RBM41: variants seen among roughly 807,000 people sequenced by gnomAD.
RBM41 encodes RNA-binding protein 41.
Under a neutral mutation model 30.8 loss-of-function variants are expected in RBM41, and 14 were observed. That is an observed-to-expected ratio of 0.45 (90% CI 0.30 to 0.71). The LOEUF is 0.71. Among genes scored for constraint, RBM41 ranks in the 30% least tolerant of loss-of-function variants. The probability of loss-of-function intolerance (pLI) is 0.08; values close to 1 mark genes in which losing one functional copy is unlikely to be tolerated. For synonymous variants in RBM41, 120 were observed against 110.1 expected, an observed-to-expected ratio of 1.09 and a Z score of -0.56; for missense variants, 276 against 326.3, an observed-to-expected ratio of 0.85 and a Z score of 1.19.
intron 4 of RBM41, chrX:107,114,177 GTTCTTCC>G (rs1924715025): frequency 9.0e-6 from 1 of 111,181 alleles, no homozygotes; most frequent in Admixed American, 9.5e-5. Context: ...AGTTTTATTA[GTTCTTCC>G]ATTATAAACC....
chrX:107,055,514 C>A, the RBM41 span, among the ~76,000 whole-genome samples: 3 of 111,495 alleles, frequency 2.7e-5, no homozygotes, highest in Non-Finnish European at 5.6e-5. Context: ...TTAGTAAAGA[C>A]AGGGTTTCAT....
rs371858336 is a variant in RBM41 at position 107,067,504 on chromosome X, A to G, written c.*23T>C. ...GATTCCAATTCAAGAAAGACCATCCAGGACCCACAATTTATATATATTCTA... is the reference window on the plus strand; with the variant it reads ...GATTCCAATTCAAGAAAGACCATCCGGGACCCACAATTTATATATATTCTA... On this transcript the variant is annotated 3_prime_UTR_variant, in exon 8 of 8. Coordinates refer to ENST00000685964, the MANE Select transcript of RBM41 (RefSeq NM_001324242.2). The G allele has an allele frequency of 2.2e-5, 26 of 1,179,746 alleles. No homozygotes were observed. The African/African-American group carries it at 3.5e-4, about 16-fold the overall frequency.
At chrX:107,117,264 G>A (rs1924955531) in intron 1 of RBM41, among the ~76,000 whole-genome samples, 1 of 111,907 alleles carries the variant, frequency 8.9e-6, no homozygotes, top group Non-Finnish European at 1.9e-5. Context: ...ATATACTGAA[G>A]GATAATAAGA....
chrX:107,082,185 G>T (rs1159302045), intron 6 of RBM41, among the ~76,000 whole-genome samples: 2 of 111,257 alleles, frequency 1.8e-5, no homozygotes, highest in Non-Finnish European at 3.8e-5. Context: ...GGATGTTATA[G>T]TCTATTCCTA....
intron 6 of RBM41, among the ~76,000 whole-genome samples, chrX:107,080,096 A>T (rs1193693178): frequency 1.8e-5 from 2 of 111,528 alleles, no homozygotes; most frequent in Admixed American, 1.9e-4. Context: ...TTCACATGGC[A>T]CTTTTTGTTG....
chrX:107,101,585 C>T (rs1923469890), intron 5 of RBM41, among the ~76,000 whole-genome samples: 1 of 111,505 alleles, frequency 9.0e-6, no homozygotes, highest in Non-Finnish European at 1.9e-5. Context: ...TAAGAACTGC[C>T]AGCAAACACC....
chrX:107,118,260 AACAAAGTACCGCTCCCTT>A (rs1390600638), intron 1 of RBM41, among the ~76,000 whole-genome samples: 15 of 96,686 alleles, frequency 1.6e-4, no homozygotes, highest in Admixed American at 1.5e-3. Flanking sequence ...CACATTTAGA[AACAAAGTACCGCTCCCTT>A]ACTTTAAGAT....
intron 5 of RBM41, among the ~76,000 whole-genome samples, chrX:107,097,644 T>C (rs1923095794): frequency 1.8e-5 from 2 of 111,908 alleles, no homozygotes; most frequent in South Asian, 7.5e-4. Flanking sequence ...ATTAAACCTC[T>C]TTCCTTTAAA....
In RBM41 at chrX:107,116,066, G is replaced by C. The variant is rs368873928; in HGVS notation, c.126-12C>G. 418 of 1,140,733 alleles carry C rather than the reference G, an allele frequency of 3.7e-4. No homozygotes were observed. Among genetic ancestry groups the C allele is most frequent in the Admixed American group, 9.3e-4 (37 of 39,797 alleles). 94.0% of individuals were successfully genotyped at this position (1,140,733 alleles called of 1,213,427 possible). On this transcript the variant is annotated splice_polypyrimidine_tract_variant and intron_variant, in intron 2 of 7. Transcript: ENST00000685964. ...TCTTAGACATACATCTGCAAAACAT[G>C]CAGGAGGAGAGTAAGAACATCTTGA...
At chrX:107,118,646 C>G (rs1925093390) in intron 1 of RBM41, 120 bp downstream of exon 1, 2 of 954,165 alleles carry the variant, frequency 2.1e-6, no homozygotes, top group Non-Finnish European at 3.0e-6. Context: ...TGTTCCCGCT[C>G]CCACGAAACC....
chrX:107,081,242 T>C (rs1179587850), intron 6 of RBM41, among the ~76,000 whole-genome samples: 2 of 111,484 alleles, frequency 1.8e-5, no homozygotes, highest in African/African-American at 6.5e-5. Context: ...CATGTGGCTA[T>C]TCAGTTGTTC....
At chrX:107,070,402 C>T (rs1051976990) in intron 6 of RBM41, 4 of 323,486 alleles carry the variant, frequency 1.2e-5, no homozygotes, top group Non-Finnish European at 2.4e-5. Flanking sequence ...TTTTGGAAGT[C>T]TTCTCTGGGA....
At chrX:107,057,472 T>C (rs1378240721), downstream of RBM41, among the ~76,000 whole-genome samples, 1 of 112,071 alleles carries the variant, frequency 8.9e-6, no homozygotes, top group Non-Finnish European at 1.9e-5. Flanking sequence ...GTTCTTCATT[T>C]CTACTTTCAT....
At chrX:107,103,252 G>A (rs1426393584) in intron 5 of RBM41, among the ~76,000 whole-genome samples, 2 of 111,059 alleles carry the variant, frequency 1.8e-5, no homozygotes, top group African/African-American at 6.6e-5. Flanking sequence ...TTGGAAATAG[G>A]GTCTTTGCAG....
chrX:107,107,969 C>T lies in RBM41; in HGVS notation c.595+5428G>A, dbSNP rs185894273. 3.6e-5 allele frequency among the ~76,000 whole-genome samples: 4 copies of T among 111,411 alleles called. No individual in the cohort carries two copies. The East Asian group carries it at 1.1e-3, about 31-fold the overall frequency. On this transcript the variant is annotated intron_variant, in intron 5 of 7. Transcript: ENST00000685964. ...AGAGATAATATATGTTTCTTTCTCA[C>T]TGATTCAAGGTTAGAAAATGGGATA...
chrX:107,088,210 C>T (rs1317594006), intron 6 of RBM41, among the ~76,000 whole-genome samples: 7 of 111,690 alleles, frequency 6.3e-5, no homozygotes, highest in African/African-American at 9.8e-5. Flanking sequence ...TTCTTTAAAA[C>T]GCTAAGGATA....
intron 6 of RBM41, among the ~76,000 whole-genome samples, chrX:107,079,181 A>G (rs769039694): frequency 4.5e-5 from 5 of 112,000 alleles, no homozygotes; most frequent in Non-Finnish European, 9.4e-5. Flanking sequence ...TAATCCATGT[A>G]TATATAAACA....
chrX:107,118,076 T>C (rs778968176), intron 1 of RBM41, among the ~76,000 whole-genome samples: 1 of 111,691 alleles, frequency 9.0e-6, no homozygotes, highest in Non-Finnish European at 1.9e-5. Flanking sequence ...GTGATGATTC[T>C]ACTTGCAGAG....
At chrX:107,106,956 ACAT>A (rs2147725261) in intron 5 of RBM41, among the ~76,000 whole-genome samples, 1 of 111,118 alleles carries the variant, frequency 9.0e-6, no homozygotes, top group East Asian at 2.9e-4. Flanking sequence ...CCAACATGGC[ACAT>A]GTATACATAT....
Sources: gnomAD v4.1 joint callset for allele counts (sites outside exome capture counted in the v4.1 genomes callset) on GRCh38, gnomAD v4.1.1 for gene constraint, MANE v1.5 for transcripts, NCBI Gene and HGNC (gene_info 2026-07-23, HGNC 2026-07-21) for gene names.